Variants in VAT1L observed in about 807,000 individuals in gnomAD.
VAT1L encodes the protein putative NADPH-dependent quinone oxidoreductase VAT1L.
In VAT1L, 34 loss-of-function variants were observed where a neutral mutation model predicts 44.1. That is an observed-to-expected ratio of 0.77 (90% confidence interval 0.59 to 1.03). The LOEUF is 1.03. Ranked by LOEUF, VAT1L falls within the 50% of genes least tolerant of loss-of-function variation. VAT1L has a pLI of 0.00. For synonymous variants in VAT1L, 253 were observed against 202.2 expected (o/e 1.25, Z -2.13); for missense variants, 615 against 538.8 (o/e 1.14, Z -1.40).
intron 7 of VAT1L, chr16:77,892,395 C>G: frequency 2.5e-6 from 1 of 403,134 alleles, no homozygotes. Context: ...AAAAGCATCT[C>G]CTGGCTCTGC....
intron 1 of VAT1L, among the ~76,000 whole-genome samples, chr16:77,797,909 T>G (rs925332044): frequency 6.6e-6 from 1 of 152,192 alleles, no homozygotes; most frequent in Non-Finnish European, 1.5e-5. Flanking sequence ...AGAAAATTGG[T>G]TGGAGCCATG....
At chr16:77,873,333 C>T (rs1315351474) in intron 4 of VAT1L, among the ~76,000 whole-genome samples, 8 of 152,130 alleles carry the variant, frequency 5.3e-5, no homozygotes, top group Admixed American at 5.2e-4. Flanking sequence ...GCCTCATAGG[C>T]TTTTTGTGAG....
intron 7 of VAT1L, among the ~76,000 whole-genome samples, chr16:77,923,578 T>C (rs1434408459): frequency 1.3e-5 from 2 of 152,174 alleles, no homozygotes; most frequent in African/African-American, 4.8e-5. Flanking sequence ...TACTCTCTGT[T>C]GGACTTCTGT....
At chr16:77,799,682 A>G (rs2016011901) in intron 1 of VAT1L, among the ~76,000 whole-genome samples, 1 of 151,966 alleles carries the variant, frequency 6.6e-6, no homozygotes, top group Admixed American at 6.6e-5. Context: ...TGGATGCGAG[A>G]CTCTTCTTCA....
At chr16:77,929,688 C>T (rs547915752) in intron 7 of VAT1L, among the ~76,000 whole-genome samples, 1 of 152,184 alleles carries the variant, frequency 6.6e-6, no homozygotes, top group Non-Finnish European at 1.5e-5. Flanking sequence ...CACTCTCCCC[C>T]TCACTACATG....
At chr16:77,835,614 T>G (rs1408341702) in intron 3 of VAT1L, among the ~76,000 whole-genome samples, 1 of 152,170 alleles carries the variant, frequency 6.6e-6, no homozygotes, top group African/African-American at 2.4e-5. Context: ...CGCTCACACC[T>G]GTAATCCCAA....
intron 7 of VAT1L, chr16:77,892,527 T>C (rs982883441): frequency 3.5e-6 from 2 of 570,028 alleles, no homozygotes. Context: ...GCAGAAAAAT[T>C]TCGTGCTCTA....
intron 7 of VAT1L, among the ~76,000 whole-genome samples, chr16:77,898,530 C>T (rs2017348087): frequency 6.6e-6 from 1 of 152,168 alleles, no homozygotes; most frequent in African/African-American, 2.4e-5. Context: ...TTTCCTAAGC[C>T]TTGCTTTGCT....
At chr16:77,806,196 T>C (rs2016155835) in intron 1 of VAT1L, among the ~76,000 whole-genome samples, 1 of 148,550 alleles carries the variant, frequency 6.7e-6, no homozygotes, top group Admixed American at 6.7e-5. Context: ...GATCTCTTTC[T>C]TTTTCTTTCT....
chr16:77,941,636 A>G (rs1311122744), intron 7 of VAT1L, among the ~76,000 whole-genome samples: 2 of 152,108 alleles, frequency 1.3e-5, no homozygotes, highest in African/African-American at 4.8e-5. Flanking sequence ...CCCAGGCTGG[A>G]GTGCAATGGC....
chr16:77,867,646 G>A (rs921290209), intron 4 of VAT1L, among the ~76,000 whole-genome samples: 2 of 152,080 alleles, frequency 1.3e-5, no homozygotes, highest in African/African-American at 4.8e-5. Flanking sequence ...ATCACCTGAG[G>A]TCAGGAGTTC....
chr16:77,932,598 C>T (rs187018246), intron 7 of VAT1L, among the ~76,000 whole-genome samples: 148 of 152,216 alleles, frequency 9.7e-4, no homozygotes, highest in Middle Eastern at 6.8e-3. Flanking sequence ...ATTATCAAAT[C>T]GTAGCAACAC....
intron 7 of VAT1L, among the ~76,000 whole-genome samples, chr16:77,921,894 C>G (rs1016160543): frequency 6.6e-6 from 1 of 152,082 alleles, no homozygotes; most frequent in East Asian, 1.9e-4. Flanking sequence ...CAGGTGCATA[C>G]CACTACACCT....
intron 1 of VAT1L, among the ~76,000 whole-genome samples, chr16:77,791,509 T>C (rs2015835328): frequency 6.6e-6 from 1 of 152,174 alleles, no homozygotes; most frequent in Admixed American, 6.5e-5. Flanking sequence ...GAAGAGCAAA[T>C]TGAGGCTTGG....
At chr16:77,971,371 T>C (rs1597127787) in intron 7 of VAT1L, among the ~76,000 whole-genome samples, 2 of 152,236 alleles carry the variant, frequency 1.3e-5, no homozygotes, top group South Asian at 2.1e-4. Flanking sequence ...TTCCTCCCAA[T>C]AACCAGAATC....
chr16:77,866,097 G>C (rs2016971471), intron 4 of VAT1L, among the ~76,000 whole-genome samples: 1 of 152,162 alleles, frequency 6.6e-6, no homozygotes, highest in Non-Finnish European at 1.5e-5. Context: ...GGAAGTTACA[G>C]ATACGTTTAC....
At position 77,900,695 on chromosome 16, in the gene VAT1L, GA is replaced by G. The variant is rs746858329; in HGVS notation, c.1077+15906del. Among the ~76,000 whole-genome samples the G allele has an allele frequency of 1.5e-3, 185 of 126,394 alleles. 1 individual carries two copies. Among genetic ancestry groups the G allele is most frequent in the South Asian group, 1.8e-3 (7 of 3,914 alleles). 82.9% of individuals were successfully genotyped at this position (126,394 alleles called of 152,430 possible). A position where few individuals can be genotyped will look rare whatever the true frequency, so the allele number is the denominator to read the frequency against. On this transcript the variant is annotated intron_variant, in intron 7 of 8. Coordinates refer to ENST00000302536, the MANE Select transcript of VAT1L (RefSeq NM_020927.3). ...CAGCAGCAGAGTGAGACTGTGTCTT[GA>G]AAAAAAAAAAAAGAAAATAGAAAAA...
At chr16:77,936,806 G>A (rs1294647377) in intron 7 of VAT1L, among the ~76,000 whole-genome samples, 1 of 152,156 alleles carries the variant, frequency 6.6e-6, no homozygotes, top group Non-Finnish European at 1.5e-5. Context: ...CAAGGGTTAG[G>A]GAGCAAAATC....
chr16:77,900,099 ATGAAGCCCCATAG>A (rs1213010329), intron 7 of VAT1L, among the ~76,000 whole-genome samples: 3 of 152,182 alleles, frequency 2.0e-5, no homozygotes, highest in Non-Finnish European at 4.4e-5. Context: ...CTTTGTGGGG[ATGAAGCCCCATAG>A]TAAAACCACA....
Sources: gnomAD v4.1 joint callset for allele counts (sites outside exome capture counted in the v4.1 genomes callset) on GRCh38, gnomAD v4.1.1 for gene constraint, MANE v1.5 for transcripts, NCBI Gene and HGNC (gene_info 2026-07-23, HGNC 2026-07-21) for gene names.